CAPN10: variants seen among roughly 807,000 people sequenced by gnomAD.
CAPN10 encodes calpain-10.
A neutral mutation model predicts 78.4 loss-of-function variants in CAPN10; 71 were observed. The ratio of observed to expected loss-of-function variants is 0.91; its 90% CI spans 0.75 to 1.10. The LOEUF (loss-of-function observed/expected upper bound fraction) is 1.10. Among genes scored for constraint, CAPN10 ranks in the 50% least tolerant of loss-of-function variants. CAPN10 has a pLI of 0.00. For missense variants in CAPN10, 849 were observed against 924.6 expected, an observed-to-expected ratio of 0.92 and a Z score of 1.06; for synonymous variants, 437 against 407.2, an observed-to-expected ratio of 1.07 and a Z score of -0.88.
Position 240,598,080 on chromosome 2 carries a change from A to G in CAPN10, c.1936A>G (p.Ile646Val). 1 of 1,606,156 alleles carries G rather than the reference A, an allele frequency of 6.2e-7. No individual in the cohort carries two copies. Among genetic ancestry groups the G allele is most frequent in the South Asian group, 1.1e-5 (1 of 90,836 alleles). ...GAFTVTIATR[I>V]DRPSIHSQEM... ...CTTCACAGTGACCATCGCAACCAGG[A>G]TTGACAGGTGGGGCTCTGGGACTTG... Residue 646 changes from isoleucine (I) to valine (V), a missense_variant, in exon 10 of 12, where the codon ATT (isoleucine) becomes GTT (valine). Ile to Val is a conservative substitution (Grantham distance 29). Coordinates refer to ENST00000391984, the MANE Select transcript of CAPN10 (RefSeq NM_023083.4).
rs894689430 is a variant in CAPN10 at position 240,587,196 on chromosome 2, C to T, written c.141+144C>T. On this transcript the variant is annotated intron_variant, in intron 1 of 11. Transcript: ENST00000391984. The stretch of plus-strand genomic sequence containing the variant: ...CTCCTCAGAAGTGGGCGCCCGGCCC[C>T]CTCTTTTCGTACCTCCTTCATACCC... 7.2e-6 allele frequency: 3 copies of T among 417,004 alleles called. No homozygotes were observed. The East Asian group carries it at 1.1e-4, about 15-fold the overall frequency. 25.8% of individuals were successfully genotyped at this position (417,004 alleles called of 1,614,324 possible).
At chr2:240,596,268 C>A in intron 7 of CAPN10, 51 bp from the exon 8 acceptor site, 1 of 1,546,498 alleles carries the variant, frequency 6.5e-7, no homozygotes, top group Non-Finnish European at 8.7e-7. Flanking sequence ...AAGGCCAGGG[C>A]GTCTGACCCC....
chr2:240,586,788 T>C lies in CAPN10; in HGVS notation c.-124T>C. On this transcript the variant is annotated 5_prime_UTR_variant, in exon 1 of 12. Transcript: ENST00000391984. ...CCAGCACCTGCGGGGCCCTCGGGCT[T>C]GGAGGGCTGGGCCGGGCGGGGAACG... 4 of 1,003,670 alleles carry C rather than the reference T, an allele frequency of 4.0e-6. No homozygotes were observed. The highest frequency in any genetic ancestry group is 3.5e-4 in the Middle Eastern group (1 of 2,824). The allele number at this position is 1,003,670 out of a possible 1,614,324, so 62.2% of individuals were successfully genotyped here.
intron 3 of CAPN10, chr2:240,591,700 A>C (rs41266971): frequency 0.074 from 42,214 of 567,468 alleles, 1,856 homozygotes; most frequent in African/African-American, 0.14. Flanking sequence ...GATGCCAGAG[A>C]GTTTCTGTGT....
intron 7 of CAPN10, chr2:240,596,045 C>A: frequency 6.6e-7 from 1 of 1,511,238 alleles, no homozygotes; most frequent in Middle Eastern, 1.8e-4. Context: ...CCAGCAGCCC[C>A]CAGGTTGCCT....
intron 4 of CAPN10, chr2:240,592,602 A>G: frequency 2.3e-6 from 1 of 427,994 alleles, no homozygotes; most frequent in South Asian, 1.7e-5. Flanking sequence ...GGAGCCCAGG[A>G]GTTCAAGAGA....
intron 3 of CAPN10, 121 bp downstream of exon 3, chr2:240,591,132 T>C: frequency 1.2e-6 from 1 of 846,240 alleles, no homozygotes; most frequent in African/African-American, 1.7e-5. Flanking sequence ...GTTCTGAGGG[T>C]CTGGCAGCTC....
At position 240,589,467 on chromosome 2, in the gene CAPN10, T is replaced by A; in HGVS notation, c.266T>A (p.Leu89Gln). 1 of 1,612,392 alleles carries A rather than the reference T, an allele frequency of 6.2e-7. No individual in the cohort carries two copies. The highest frequency in any genetic ancestry group is 8.5e-7 in the Non-Finnish European group (1 of 1,179,352). Residue 89 changes from leucine (L) to glutamine (Q), a missense_variant, in exon 2 of 12, where the codon CTG becomes CAG. By Grantham distance (113) the Leu-to-Gln change is moderately radical. Coordinates refer to ENST00000391984, the MANE Select transcript of CAPN10 (RefSeq NM_023083.4). ...CAALQKSRHL[L>Q]DQVIPPGQPS... is the part of the protein sequence containing the mutation. ...GCGCTGCAGAAGAGCAGGCACCTCC[T>A]GGACCAGGTGCGGGGCCCCTTCCCT...
rs1004133686 is a variant in CAPN10, at chr2:240,595,031, G to T, written c.1005G>T (p.Leu335=). 4 of 1,612,888 alleles carry T rather than the reference G, an allele frequency of 2.5e-6. No homozygotes were observed. The highest frequency in any genetic ancestry group is 3.4e-6 in the Non-Finnish European group (4 of 1,180,004). Residue 335 remains leucine (L), a synonymous_variant, in exon 7 of 12, where the codon CTG becomes CTT. Coordinates refer to ENST00000391984, the MANE Select transcript of CAPN10 (RefSeq NM_023083.4). ...GHLQSLYTER[L]LCHTRALPGA... ...CTGGTGTTTTCTCACTAGAGAGGCT[G>T]CTCTGCCATACGCGGGCGCTGCCTG...
intron 3 of CAPN10, 38 bp downstream of exon 3, chr2:240,591,049 A>G: frequency 6.3e-7 from 1 of 1,589,914 alleles, no homozygotes; most frequent in Non-Finnish European, 8.6e-7. Flanking sequence ...GGCCTGGGGC[A>G]AGTGGGAGCT....
At chr2:240,592,196 C>T in intron 4 of CAPN10, 46 bp downstream of exon 4, 1 of 1,484,076 alleles carries the variant, frequency 6.7e-7, no homozygotes. Flanking sequence ...AGCGTGCCCC[C>T]CACTGCCAGG....
At chr2:240,597,242 G>A (rs1029729395) in intron 9 of CAPN10, among the ~76,000 whole-genome samples, 1 of 152,234 alleles carries the variant, frequency 6.6e-6, no homozygotes, top group Middle Eastern at 3.2e-3. Context: ...GGAGAGGACA[G>A]GAGGCCGAGG....
At chr2:240,598,273 G>A in intron 10 of CAPN10, 79 bp from the exon 11 acceptor site, 1 of 1,533,538 alleles carries the variant, frequency 6.5e-7, no homozygotes, top group Non-Finnish European at 9.0e-7. Context: ...GGAGAGTCTA[G>A]TGGGAGGTGG....
At chr2:240,595,333 G>C (rs770561004) in intron 7 of CAPN10, 29 bp downstream of exon 7, 10 of 1,604,426 alleles carry the variant, frequency 6.2e-6, no homozygotes, top group Middle Eastern at 1.7e-4. Flanking sequence ...GCTCACGCTC[G>C]GTTCAGCAGG....
chr2:240,593,820 A>G, intron 4 of CAPN10, 86 bp from the exon 5 acceptor site: 1 of 1,454,370 alleles, frequency 6.9e-7, no homozygotes, highest in Non-Finnish European at 9.3e-7. Context: ...GCATCTCCAG[A>G]GGAGGAGGCA....
At chr2:240,588,418 GC>G (rs568965804) in intron 1 of CAPN10, among the ~76,000 whole-genome samples, 2 of 152,212 alleles carry the variant, frequency 1.3e-5, no homozygotes, top group African/African-American at 4.8e-5. Flanking sequence ...TCAGGCAGGT[GC>G]CCTGACAGAT....
At chr2:240,587,228 A>G (rs776195141) in intron 1 of CAPN10, among the ~76,000 whole-genome samples, 176 bp downstream of exon 1, 2 of 152,218 alleles carry the variant, frequency 1.3e-5, no homozygotes, top group Admixed American at 6.5e-5. Flanking sequence ...ACCCCCGCCC[A>G]GAACGAGCAG....
intron 1 of CAPN10, among the ~76,000 whole-genome samples, chr2:240,587,354 C>T (rs370659198): frequency 8.5e-5 from 13 of 152,320 alleles, no homozygotes; most frequent in African/African-American, 3.1e-4. Context: ...CAAACCCCGC[C>T]CCACCTGTTT....
In CAPN10 at chr2:240,592,137, C is replaced by G. The variant is rs1314926737; in HGVS notation, c.675C>G (p.Leu225=). The change falls in exon 4 of 12, where the codon CTC becomes CTG. Residue 225 remains leucine, a synonymous_variant. Coordinates refer to ENST00000391984, the MANE Select transcript of CAPN10 (RefSeq NM_023083.4). ...KDQCLISCCV[L]SPRAGARELG... is the part of the protein sequence containing the mutation. ...AGTGTCTGATCAGCTGCTGCGTGCTCAGCCCCAGAGCAGGTGAGGCACGTG... is the reference window on the plus strand; with the variant it reads ...AGTGTCTGATCAGCTGCTGCGTGCTGAGCCCCAGAGCAGGTGAGGCACGTG... 8 of 1,566,608 alleles carry G rather than the reference C, an allele frequency of 5.1e-6. No individual in the cohort carries two copies. The highest frequency in any genetic ancestry group is 6.9e-6 in the Non-Finnish European group (8 of 1,156,202).
Sources: gnomAD v4.1 joint callset for allele counts (sites outside exome capture counted in the v4.1 genomes callset) on GRCh38, gnomAD v4.1.1 for gene constraint, MANE v1.5 for transcripts, NCBI Gene and HGNC (gene_info 2026-07-23, HGNC 2026-07-21) for gene names.